GATA4: variants seen among roughly 807,000 people sequenced by gnomAD.
GATA4 encodes GATA binding protein 4, also known as transcription factor GATA-4.
In GATA4, 7 loss-of-function variants were observed where a neutral mutation model predicts 37.9. That is an observed-to-expected ratio of 0.18 (90% CI 0.11 to 0.35). The LOEUF (loss-of-function observed/expected upper bound fraction) is 0.35. Ranked by LOEUF, GATA4 falls within the 10% of genes least tolerant of loss-of-function variation. The probability of loss-of-function intolerance (pLI) is 1.00; values close to 1 mark genes in which losing one functional copy is unlikely to be tolerated. For synonymous variants in GATA4, 372 were observed against 292.6 expected, an observed-to-expected ratio of 1.27 and a Z score of -2.77; for missense variants, 647 against 653.0, an observed-to-expected ratio of 0.99 and a Z score of 0.10.
At chr8:11,734,548 G>A (rs938931894) in intron 2 of GATA4, among the ~76,000 whole-genome samples, 9 of 152,094 alleles carry the variant, frequency 5.9e-5, no homozygotes, top group Admixed American at 2.0e-4. Flanking sequence ...ATGCAATGGC[G>A]CAACCTCGGC....
intron 4 of GATA4, among the ~76,000 whole-genome samples, chr8:11,750,928 C>A (rs1802274606): frequency 6.9e-6 from 1 of 144,776 alleles, no homozygotes; most frequent in African/African-American, 2.6e-5. Flanking sequence ...GCCTGAGTGA[C>A]AAAGTGAGAC....
chr8:11,692,065 T>C (rs1799330196), upstream of GATA4: 1 of 985,292 alleles, frequency 1.0e-6, no homozygotes, highest in Non-Finnish European at 1.2e-6. Context: ...GAGGTGGCCG[T>C]GGGTGCTTTC....
chr8:11,732,975 A>T (rs1265172562), intron 2 of GATA4, among the ~76,000 whole-genome samples: 1 of 152,124 alleles, frequency 6.6e-6, no homozygotes, highest in African/African-American at 2.4e-5. Flanking sequence ...ATACCATCAC[A>T]TGTGGGTTAG....
intron 5 of GATA4, among the ~76,000 whole-genome samples, chr8:11,755,382 C>T (rs1407001715): frequency 6.6e-6 from 1 of 152,180 alleles, no homozygotes; most frequent in Non-Finnish European, 1.5e-5. Context: ...ACTGCAAAGA[C>T]CCAGTGCTCA....
At chr8:11,703,585 G>T (rs373013989), upstream of GATA4, among the ~76,000 whole-genome samples, 285 of 152,364 alleles carry the variant, frequency 1.9e-3, no homozygotes, top group South Asian at 9.3e-3. Flanking sequence ...GATGCAGATT[G>T]CATAAATACA....
chr8:11,723,403 T>C (rs756897680), intron 2 of GATA4, among the ~76,000 whole-genome samples: 7 of 152,258 alleles, frequency 4.6e-5, no homozygotes, highest in Middle Eastern at 3.4e-3. Flanking sequence ...TATCCATATA[T>C]CCTGATTGAT....
chr8:11,689,563 C>T (rs909448711), upstream of GATA4, among the ~76,000 whole-genome samples: 43 of 152,208 alleles, frequency 2.8e-4, no homozygotes, highest in Admixed American at 1.7e-3. Context: ...GATATTCAGC[C>T]TAGAGGTGCA....
At chr8:11,680,505 A>C (rs961116473) in intron 1 of GATA4, 2 of 985,288 alleles carry the variant, frequency 2.0e-6, no homozygotes, top group African/African-American at 1.7e-5. Flanking sequence ...CTGGCGCCAC[A>C]TGGGCCAGGT....
At chr8:11,711,666 G>T (rs1016982813) in intron 2 of GATA4, among the ~76,000 whole-genome samples, 1 of 142,268 alleles carries the variant, frequency 7.0e-6, no homozygotes, top group Non-Finnish European at 1.5e-5. Flanking sequence ...TGTAGTCCCA[G>T]CTTTGGAAGC....
In GATA4 at chr8:11,725,757, C is replaced by T. The variant is rs569168119; in HGVS notation, c.616+16829C>T. On this transcript the variant is annotated intron_variant, in intron 2 of 6. Coordinates refer to ENST00000532059, the MANE Select transcript of GATA4 (RefSeq NM_001308093.3). ...GTGCTGACCCTAAGCCATTATTACT[C>T]GGCACCTTGGCAATCCATCTGGTAC... is the stretch of plus-strand genomic sequence containing the variant. 5.3e-5 allele frequency among the ~76,000 whole-genome samples: 8 copies of T among 152,292 alleles called. No homozygotes were observed. The East Asian group carries it at 7.7e-4, about 15-fold the overall frequency.
At chr8:11,719,654 C>T (rs1245354978) in intron 2 of GATA4, among the ~76,000 whole-genome samples, 3 of 152,032 alleles carry the variant, frequency 2.0e-5, no homozygotes, top group Non-Finnish European at 4.4e-5. Flanking sequence ...TCCAGTTATC[C>T]TACATACACA....
At chr8:11,704,507 G>A (rs909149925) in intron 1 of GATA4, among the ~76,000 whole-genome samples, 5 of 152,222 alleles carry the variant, frequency 3.3e-5, no homozygotes, top group African/African-American at 1.2e-4. Context: ...TAAGACTTGG[G>A]GGCAAAACAG....
chr8:11,757,653 C>G (rs938292080), intron 6 of GATA4, among the ~76,000 whole-genome samples: 1 of 152,208 alleles, frequency 6.6e-6, no homozygotes, highest in East Asian at 1.9e-4. Context: ...AGGTCACAGG[C>G]AGGATGCCAC....
chr8:11,695,415 AAT>A (rs1009657925), intron 1 of GATA4, among the ~76,000 whole-genome samples: 9 of 152,168 alleles, frequency 5.9e-5, no homozygotes, highest in African/African-American at 2.2e-4. Context: ...TCAAAAAAAA[AAT>A]AAATAAAATA....
chr8:11,748,176 C>T (rs961847547), intron 2 of GATA4, among the ~76,000 whole-genome samples: 11 of 152,198 alleles, frequency 7.2e-5, no homozygotes, highest in Admixed American at 5.9e-4. Context: ...TGAGATCGCA[C>T]CATTGCACTC....
chr8:11,708,861 C>A lies in GATA4; in HGVS notation c.549C>A (p.Pro183=). The A allele has an allele frequency of 6.6e-7, 1 of 1,508,296 alleles. No individual in the cohort carries two copies. The highest frequency in any genetic ancestry group is 8.8e-7 in the Non-Finnish European group (1 of 1,135,988). The allele number at this position is 1,508,296 out of a possible 1,614,324, so 93.4% of individuals were successfully genotyped here. Residue 183 remains proline, a synonymous_variant, in exon 2 of 7, where the codon CCC becomes CCA. Transcript: ENST00000532059. This position sits in a 1 kb window ranked among gnomAD's most constrained non-coding sequence, Gnocchi z 6.7. ...CAGCCGCCGCCGCCTCCGCCGGCCC[C>A]TTCGACAGCCCGGTCCTGCACAGCC... ...WAAAAAASAG[P]FDSPVLHSLP...
chr8:11,756,819 C>G, intron 5 of GATA4, 116 bp from the exon 6 acceptor site: 1 of 1,392,440 alleles, frequency 7.2e-7, no homozygotes, highest in Non-Finnish European at 1.0e-6. Flanking sequence ...TGCTGCTGTC[C>G]CCGGCAAATG....
At chr8:11,724,232 G>A (rs1190960077) in intron 2 of GATA4, among the ~76,000 whole-genome samples, 3 of 152,120 alleles carry the variant, frequency 2.0e-5, no homozygotes, top group Non-Finnish European at 4.4e-5. Context: ...CAATTGGGTT[G>A]CGTCTGCCCA....
chr8:11,757,461 G>C (rs1427260130), intron 6 of GATA4, among the ~76,000 whole-genome samples: 1 of 152,196 alleles, frequency 6.6e-6, no homozygotes, highest in Non-Finnish European at 1.5e-5. Flanking sequence ...GAATGAGACT[G>C]CGTGCTGGGG....
Sources: allele counts gnomAD v4.1 joint callset (sites outside exome capture counted in the v4.1 genomes callset), GRCh38; gene constraint gnomAD v4.1.1; non-coding constraint Gnocchi (gnomAD v3.1); transcripts MANE v1.5; gene names NCBI Gene and HGNC (gene_info 2026-07-23, HGNC 2026-07-21).